Variants in FRMPD2 observed in about 807,000 individuals in gnomAD.
FRMPD2 encodes FERM and PDZ domain containing 2, also known as FERM and PDZ domain-containing protein 2.
In FRMPD2, 96 loss-of-function variants were observed where a neutral mutation model predicts 140.1. The observed-to-expected ratio is 0.69, with a 90% confidence interval of 0.58 to 0.81. The LOEUF (loss-of-function observed/expected upper bound fraction) is 0.81, where lower values mean the gene tolerates loss of function less well. Ranked by LOEUF, FRMPD2 falls within the 40% of genes least tolerant of loss-of-function variation. FRMPD2 has a pLI of 0.00. For synonymous variants in FRMPD2, 449 were observed against 547.6 expected (o/e 0.82, Z 2.52); for missense variants, 1,240 against 1,447.4 (o/e 0.86, Z 2.32).
At chr10:48,197,353 A>G (rs1164837106) in intron 15 of FRMPD2, among the ~76,000 whole-genome samples, 2 of 151,674 alleles carry the variant, frequency 1.3e-5, no homozygotes, top group Non-Finnish European at 2.9e-5. Flanking sequence ...ACACCTTCCC[A>G]CTCGAGCACA....
intron 13 of FRMPD2, among the ~76,000 whole-genome samples, chr10:48,207,844 C>T (rs1466846312): frequency 6.6e-6 from 1 of 152,122 alleles, no homozygotes; most frequent in Non-Finnish European, 1.5e-5. Context: ...TCTCTCACCC[C>T]CAGGCAAGGT....
intron 13 of FRMPD2, among the ~76,000 whole-genome samples, chr10:48,207,888 G>T (rs530969646): frequency 6.6e-6 from 1 of 152,244 alleles, no homozygotes; most frequent in East Asian, 1.9e-4. Context: ...GCTTTTGAGA[G>T]CTCCTCTCTC....
chr10:48,246,541 T>C (rs1428314886), intron 3 of FRMPD2, among the ~76,000 whole-genome samples: 2 of 152,232 alleles, frequency 1.3e-5, no homozygotes, highest in Non-Finnish European at 2.9e-5. Flanking sequence ...GATGGGGTAC[T>C]GGCAGCACAG....
intron 16 of FRMPD2, among the ~76,000 whole-genome samples, chr10:48,192,055 A>T (rs1030800248): frequency 3.9e-5 from 6 of 152,190 alleles, no homozygotes; most frequent in Admixed American, 1.3e-4. Flanking sequence ...CCTGGCTGAT[A>T]ATAAGGCCAA....
At chr10:48,223,881 A>C (rs778362769) in intron 10 of FRMPD2, among the ~76,000 whole-genome samples, 1 of 152,218 alleles carries the variant, frequency 6.6e-6, no homozygotes, top group Non-Finnish European at 1.5e-5. Flanking sequence ...GGACACTGCG[A>C]AAAGGAAACC....
intron 16 of FRMPD2, among the ~76,000 whole-genome samples, chr10:48,188,918 C>T (rs1040768322): frequency 1.4e-4 from 22 of 152,120 alleles, no homozygotes; most frequent in African/African-American, 4.8e-4. Flanking sequence ...AGCACGGCAG[C>T]GGCCAGGGGC....
At chr10:48,193,054 C>T in intron 15 of FRMPD2, 160 bp from the exon 16 acceptor site, 1 of 622,906 alleles carries the variant, frequency 1.6e-6, no homozygotes, top group South Asian at 1.9e-5. Context: ...AATGCAAGGT[C>T]TCCTAATTAG....
Position 48,222,329 on chromosome 10 carries a change from C to G in FRMPD2, c.1439G>C (p.Gly480Ala). The G allele has an allele frequency of 6.2e-7, 1 of 1,614,062 alleles. No individual in the cohort carries two copies. The highest frequency in any genetic ancestry group is 8.5e-7 in the Non-Finnish European group (1 of 1,179,962). Residue 480 changes from glycine to alanine, a missense_variant, in exon 12 of 29, where the codon GGC (glycine) becomes GCC (alanine). By Grantham distance (60) the Gly-to-Ala change is moderately conservative. This residue lies in a region of FRMPD2 where 1,161 missense variants were observed against 1,055.9 expected (regional missense o/e 1.10). Transcript: ENST00000374201. ...CACCCCTACCTCCTTAGGGTAATTGCCAAACTCAGCCTGCAAGGCAAGGAC... is the reference window on the plus strand; with the variant it reads ...CACCCCTACCTCCTTAGGGTAATTGGCAAACTCAGCCTGCAAGGCAAGGAC... ...LGVLALQAEF[G>A]NYPKEQVESK...
chr10:48,242,085 TA>T lies in FRMPD2; in HGVS notation c.567+75del, dbSNP rs796741205. The T allele has an allele frequency of 2.5e-5, 25 of 1,019,636 alleles. 1 individual carries two copies. In the African/African-American group the frequency reaches 3.8e-4, roughly 16 times the overall value. The allele number at this position is 1,019,636 out of a possible 1,614,324, so 63.2% of individuals were successfully genotyped here. On this transcript the variant is annotated intron_variant, in intron 5 of 28. Transcript: ENST00000374201. ...TTTTTTATTTTATTTTAGTTAATGA[TA>T]ATATAACTAATTCAAATTTTAATAG... is the stretch of plus-strand genomic sequence containing the variant.
chr10:48,232,385 C>G, intron 9 of FRMPD2, 96 bp from the exon 10 acceptor site: 1 of 827,734 alleles, frequency 1.2e-6, no homozygotes, highest in Non-Finnish European at 1.9e-6. Flanking sequence ...CACACATTGT[C>G]TCATTTAATT....
intron 14 of FRMPD2, 59 bp downstream of exon 14, chr10:48,206,689 C>T (rs192182058): frequency 7.1e-5 from 103 of 1,441,454 alleles, no homozygotes; most frequent in Middle Eastern, 1.8e-4. Flanking sequence ...CTCCTTTAAA[C>T]GGCCAACAAA....
At chr10:48,240,111 G>T (rs1840068801) in intron 6 of FRMPD2, among the ~76,000 whole-genome samples, 1 of 152,036 alleles carries the variant, frequency 6.6e-6, no homozygotes, top group Admixed American at 6.5e-5. Flanking sequence ...TCTCAACTTG[G>T]ACAGTTAGAA....
chr10:48,204,008 T>C (rs1839147777), intron 14 of FRMPD2, among the ~76,000 whole-genome samples: 1 of 152,136 alleles, frequency 6.6e-6, no homozygotes, highest in Non-Finnish European at 1.5e-5. Context: ...ATAGTTACTT[T>C]ATTGCTAGCC....
chr10:48,252,488 C>A lies in FRMPD2; in HGVS notation c.26-797G>T, dbSNP rs544932389. Among the ~76,000 whole-genome samples, 322 of 152,176 alleles carry A rather than the reference C, an allele frequency of 2.1e-3. 1 individual carries two copies. Among genetic ancestry groups the A allele is most frequent in the African/African-American group, 7.5e-3 (311 of 41,504 alleles). On this transcript the variant is annotated intron_variant, in intron 1 of 28. Coordinates refer to ENST00000374201, the MANE Select transcript of FRMPD2 (RefSeq NM_001018071.4). The stretch of plus-strand genomic sequence containing the variant: ...CTCTACAGCCAGAGCTCAAGCAGGG[C>A]GGGTGTGCAGTGTCGGGCGCTAGAT...
intron 10 of FRMPD2, among the ~76,000 whole-genome samples, chr10:48,230,922 C>A (rs1839834952): frequency 6.6e-6 from 1 of 152,182 alleles, no homozygotes; most frequent in African/African-American, 2.4e-5. Context: ...CAACGCTGGT[C>A]TAGTGCTTCG....
At chr10:48,246,273 A>C (rs1337378429) in intron 3 of FRMPD2, among the ~76,000 whole-genome samples, 1 of 152,242 alleles carries the variant, frequency 6.6e-6, no homozygotes, top group African/African-American at 2.4e-5. Flanking sequence ...ACTGAAGTGC[A>C]GACAGAGCTC....
chr10:48,209,684 G>A (rs1839275788), intron 13 of FRMPD2, among the ~76,000 whole-genome samples: 1 of 152,224 alleles, frequency 6.6e-6, no homozygotes, highest in African/African-American at 2.4e-5. Flanking sequence ...AATGACGGCT[G>A]CACGAGGTGT....
chr10:48,222,998 C>T (rs1424339974), intron 11 of FRMPD2, 125 bp downstream of exon 11: 3 of 891,906 alleles, frequency 3.4e-6, no homozygotes, highest in African/African-American at 1.7e-5. Context: ...AAACCAACCA[C>T]AATAGCTATT....
intron 2 of FRMPD2, among the ~76,000 whole-genome samples, chr10:48,251,346 G>T (rs1173885139): frequency 1.3e-5 from 2 of 152,252 alleles, no homozygotes; most frequent in African/African-American, 2.4e-5. Flanking sequence ...CATGGCATGG[G>T]TCCAAGAGTC....
Sources: allele counts gnomAD v4.1 joint callset (sites outside exome capture counted in the v4.1 genomes callset), GRCh38; gene constraint gnomAD v4.1.1; regional missense constraint gnomAD v4.1.1; transcripts MANE v1.5; gene names NCBI Gene and HGNC (gene_info 2026-07-23, HGNC 2026-07-21).